The following LONP2 variants were observed in gnomAD, a reference collection of about 807,000 sequenced individuals.
LONP2 encodes lon protease homolog 2, peroxisomal.
Under a neutral mutation model 85.6 loss-of-function variants are expected in LONP2, and 60 were observed. The observed-to-expected ratio is 0.70, with a 90% CI of 0.57 to 0.87. LONP2 has a LOEUF of 0.87. LONP2 is among the 40% of genes least tolerant of loss of function. The pLI is 0.00. For missense variants in LONP2, 860 were observed against 1,063.5 expected, an observed-to-expected ratio of 0.81 and a Z score of 2.66; for synonymous variants, 395 against 389.7, an observed-to-expected ratio of 1.01 and a Z score of -0.16.
intron 9 of LONP2, among the ~76,000 whole-genome samples, chr16:48,298,934 A>G (rs1018988386): frequency 1.8e-4 from 28 of 151,592 alleles, no homozygotes; most frequent in African/African-American, 6.1e-4. Flanking sequence ...TCTGTTGCCC[A>G]GGCTGGAGTG....
chr16:48,257,877 C>T (rs1353420544), intron 3 of LONP2, among the ~76,000 whole-genome samples: 5 of 152,152 alleles, frequency 3.3e-5, no homozygotes, highest in South Asian at 2.1e-4. Flanking sequence ...GCCTGTGCTC[C>T]GACAAATCAC....
intron 9 of LONP2, among the ~76,000 whole-genome samples, chr16:48,298,670 T>TGTGTGTGTGTGTGTG (rs1567329388): frequency 6.7e-6 from 1 of 149,938 alleles, no homozygotes; most frequent in Non-Finnish European, 1.5e-5. Context: ...TGTGTGTGTG[T>TGTGTGTGTGTGTGTG]TTCAAGTATA....
intron 11 of LONP2, among the ~76,000 whole-genome samples, 176 bp from the exon 12 acceptor site, chr16:48,334,040 A>G (rs1468087267): frequency 6.6e-6 from 1 of 152,218 alleles, no homozygotes; most frequent in African/African-American, 2.4e-5. Flanking sequence ...AGCTCTTGAA[A>G]CACAAATTAT....
At position 48,277,396 on chromosome 16, in the gene LONP2, G is replaced by A. The variant is rs1770290711; in HGVS notation, c.1300G>A (p.Val434Met). The change falls in exon 8 of 15, where the codon GTG becomes ATG. Residue 434 changes from valine (V) to methionine (M), a missense_variant. Around this residue, in one of 3 missense-constraint regions of LONP2, gnomAD observed 743 missense variants for 917.3 expected, o/e 0.81. Coordinates refer to ENST00000285737, the MANE Select transcript of LONP2 (RefSeq NM_031490.5). ...RIINGLKTVGVNNPVFLLDEV... is the reference protein window; with the variant it reads ...RIINGLKTVGMNNPVFLLDEV... ...CATCAACGGCTTGAAGACTGTGGGA[G>A]TGAACAACCCAGTGTTCCTATTAGA... 1 of 1,613,772 alleles carries A rather than the reference G, an allele frequency of 6.2e-7. No individual in the cohort carries two copies. Among genetic ancestry groups the A allele is most frequent in the African/African-American group, 1.3e-5 (1 of 75,004 alleles).
rs1205084503 is a variant in LONP2, at chr16:48,352,099, G to T, written c.*297G>T. ...AGAACAGAAGCATCTGTAGTACCTGGTAACTTGTTAGAAATGTACATTCTC... is the reference window on the plus strand; with the variant it reads ...AGAACAGAAGCATCTGTAGTACCTGTTAACTTGTTAGAAATGTACATTCTC... On this transcript the variant is annotated 3_prime_UTR_variant, in exon 15 of 15. Transcript: ENST00000285737. 9.9e-6 allele frequency: 3 copies of T among 301,882 alleles called. No individual in the cohort carries two copies. The highest frequency in any genetic ancestry group is 4.3e-5 in the African/African-American group (2 of 46,926). 18.7% of individuals were successfully genotyped at this position (301,882 alleles called of 1,614,324 possible).
chr16:48,292,248 TAAA>T (rs1181103425), intron 8 of LONP2, among the ~76,000 whole-genome samples: 1 of 152,224 alleles, frequency 6.6e-6, no homozygotes, highest in African/African-American at 2.4e-5. Context: ...CCTGTATGTG[TAAA>T]GAATAAGCTA....
chr16:48,303,863 C>T lies in LONP2; in HGVS notation c.1795+558C>T, dbSNP rs1408012797. The stretch of plus-strand genomic sequence containing the variant: ...ATCCAGCACGGGAGAAAGCTGAAGG[C>T]CAGAAGATTCAGCAAGTCTGATCCT... On this transcript the variant is annotated intron_variant, in intron 11 of 14. Coordinates refer to ENST00000285737, the MANE Select transcript of LONP2 (RefSeq NM_031490.5). 3.3e-5 allele frequency among the ~76,000 whole-genome samples: 5 copies of T among 152,306 alleles called. No individual in the cohort carries two copies. The East Asian group carries it at 9.7e-4, about 29-fold the overall frequency.
Position 48,261,633 on chromosome 16 carries a change from A to G in LONP2, c.887+46A>G, listed in dbSNP as rs1335805375. Reference sequence around the variant, plus strand: ...GTTCATTATTGTTTTCATTCTTGGTACTCCTGATTAACACCACTTTCACTA... The same window carrying G: ...GTTCATTATTGTTTTCATTCTTGGTGCTCCTGATTAACACCACTTTCACTA... On this transcript the variant is annotated intron_variant, in intron 5 of 14. Coordinates refer to ENST00000285737, the MANE Select transcript of LONP2 (RefSeq NM_031490.5). 10 of 1,373,550 alleles carry G rather than the reference A, an allele frequency of 7.3e-6. 1 individual carries two copies. Among genetic ancestry groups the G allele is most frequent in the Non-Finnish European group, 8.8e-6 (9 of 1,017,596 alleles). The allele number at this position is 1,373,550 out of a possible 1,614,324, so 85.1% of individuals were successfully genotyped here. A position where few individuals can be genotyped will look rare whatever the true frequency, so the allele number is the denominator to read the frequency against.
Position 48,260,433 on chromosome 16 carries a change from CA to C in LONP2, c.724-983del, listed in dbSNP as rs981876934. Among the ~76,000 whole-genome samples, 5 of 151,692 alleles carry C rather than the reference CA, an allele frequency of 3.3e-5. No individual in the cohort carries two copies. In the South Asian group the frequency reaches 1.0e-3, roughly 31 times the overall value. ...GCAACATAGTGAGACCTCATCTTTA[CA>C]AAAAAAATTTAAAAAATTAGCCAGC... On this transcript the variant is annotated intron_variant, in intron 4 of 14. Transcript: ENST00000285737.
In LONP2 at chr16:48,244,331, C is replaced by A. The variant is rs111517081; in HGVS notation, c.-58C>A. The A allele has an allele frequency of 4.0e-5, 52 of 1,301,022 alleles. No homozygotes were observed. Among genetic ancestry groups the A allele is most frequent in the Admixed American group, 3.2e-4 (12 of 37,092 alleles). 80.6% of individuals were successfully genotyped at this position (1,301,022 alleles called of 1,614,324 possible). ...GAGGTTTGGTGACTGCGGGGCAGGC[C>A]GGGGGCAGCTGTCTGTCTGGCTCTT... On this transcript the variant is annotated 5_prime_UTR_variant, in exon 1 of 15. Coordinates refer to ENST00000285737, the MANE Select transcript of LONP2 (RefSeq NM_031490.5).
chr16:48,336,857 G>C (rs1034475702), intron 12 of LONP2, among the ~76,000 whole-genome samples: 2 of 152,162 alleles, frequency 1.3e-5, no homozygotes, highest in African/African-American at 4.8e-5. Context: ...GCCTGACATC[G>C]TGTTTTGAGT....
intron 10 of LONP2, among the ~76,000 whole-genome samples, chr16:48,301,622 G>A (rs1972807000): frequency 1.3e-5 from 2 of 151,844 alleles, no homozygotes; most frequent in Admixed American, 1.3e-4. Context: ...GCAACAGAGT[G>A]AGACTCCGTC....
chr16:48,345,577 G>A (rs930417394), intron 12 of LONP2: 4 of 152,140 alleles, frequency 2.6e-5, no homozygotes, highest in South Asian at 2.1e-4. Context: ...CATATAGATC[G>A]TTTGTGTCTT....
At chr16:48,263,007 T>C (rs1241333314) in intron 6 of LONP2, 135 bp downstream of exon 6, 7 of 612,422 alleles carry the variant, frequency 1.1e-5, no homozygotes, top group Non-Finnish European at 2.0e-5. Flanking sequence ...TGAAACCATT[T>C]TATTGAAGTG....
At chr16:48,296,205 C>A in intron 9 of LONP2, 40 bp downstream of exon 9, 1 of 1,589,718 alleles carries the variant, frequency 6.3e-7, no homozygotes, top group East Asian at 2.2e-5. Flanking sequence ...TCTTGCCTTT[C>A]TGACCATAAC....
intron 8 of LONP2, among the ~76,000 whole-genome samples, chr16:48,291,350 A>G (rs1567325965): frequency 6.6e-6 from 1 of 152,244 alleles, no homozygotes; most frequent in African/African-American, 2.4e-5. Flanking sequence ...TAATCATACT[A>G]TATCACACCT....
intron 1 of LONP2, among the ~76,000 whole-genome samples, chr16:48,250,162 G>C (rs111918454): frequency 0.012 from 1,858 of 150,544 alleles, 40 homozygotes; most frequent in African/African-American, 0.043. Context: ...TGTACGTCAG[G>C]CTGGGCGACA....
intron 9 of LONP2, among the ~76,000 whole-genome samples, 169 bp downstream of exon 9, chr16:48,296,334 A>G (rs16946077): frequency 0.014 from 2,081 of 152,362 alleles, 47 homozygotes; most frequent in African/African-American, 0.047. Context: ...AAAGTCTGGA[A>G]GAGCAAAACA....
downstream of LONP2, among the ~76,000 whole-genome samples, chr16:48,358,535 CAT>C (rs780953438): frequency 6.6e-6 from 1 of 152,146 alleles, no homozygotes; most frequent in Non-Finnish European, 1.5e-5. Flanking sequence ...TGAAAATAAA[CAT>C]GTGGCTGGAG....
Sources: gnomAD v4.1 joint callset for allele counts (sites outside exome capture counted in the v4.1 genomes callset) on GRCh38, gnomAD v4.1.1 for gene constraint, gnomAD v4.1.1 regional missense constraint, MANE v1.5 for transcripts, NCBI Gene and HGNC (gene_info 2026-07-23, HGNC 2026-07-21) for gene names.